Variants in DIAPH2 observed in about 807,000 individuals in gnomAD.
DIAPH2 encodes the protein diaphanous related formin 2.
A neutral mutation model predicts 92.7 loss-of-function variants in DIAPH2; 35 were observed. The ratio of observed to expected loss-of-function variants is 0.38; its 90% CI spans 0.29 to 0.50. The LOEUF is 0.50. Ranked by LOEUF, DIAPH2 falls within the 20% of genes least tolerant of loss-of-function variation. The probability of loss-of-function intolerance (pLI) is 0.94; values close to 1 mark genes in which losing one functional copy is unlikely to be tolerated. For synonymous variants in DIAPH2, 301 were observed against 280.4 expected (o/e 1.07, Z -0.73); for missense variants, 701 against 819.5 (o/e 0.86, Z 1.77).
chrX:96,782,541 C>G (rs1366530281), intron 4 of DIAPH2, among the ~76,000 whole-genome samples: 1 of 111,273 alleles, frequency 9.0e-6, no homozygotes, highest in Non-Finnish European at 1.9e-5. Flanking sequence ...CCTCGTGATC[C>G]GCCCGCCTCG....
chrX:97,258,535 T>C (rs1333816241), intron 23 of DIAPH2, among the ~76,000 whole-genome samples: 5 of 107,500 alleles, frequency 4.7e-5, no homozygotes, highest in Non-Finnish European at 9.6e-5. Context: ...ATCATGCCAC[T>C]GCACTCTAGC....
chrX:96,744,516 A>G (rs750240607), intron 3 of DIAPH2, among the ~76,000 whole-genome samples: 2 of 112,278 alleles, frequency 1.8e-5, no homozygotes, highest in Admixed American at 9.4e-5. Flanking sequence ...TTGCACACAT[A>G]GTGAGGAGAA....
At chrX:97,402,015 T>A (rs1371726821) in intron 25 of DIAPH2, among the ~76,000 whole-genome samples, 1 of 112,745 alleles carries the variant, frequency 8.9e-6, no homozygotes, top group East Asian at 2.8e-4. Flanking sequence ...AGTGACAGTA[T>A]CAGTCAGAAT....
chrX:96,972,218 A>AG (rs1478666226), intron 17 of DIAPH2, among the ~76,000 whole-genome samples: 1 of 111,773 alleles, frequency 8.9e-6, no homozygotes, highest in Non-Finnish European at 1.9e-5. Context: ...GCAAGAACAT[A>AG]GGAGAGCTCA....
intron 22 of DIAPH2, among the ~76,000 whole-genome samples, chrX:97,185,135 A>G (rs914759369): frequency 1.0e-5 from 1 of 96,414 alleles, no homozygotes; most frequent in African/African-American, 3.8e-5. Flanking sequence ...TTAAAAAAAC[A>G]AAAAAAAAGA....
In DIAPH2 at chrX:97,603,460, A is replaced by G. The variant is rs1211180433; in HGVS notation, c.*4143A>G. On this transcript the variant is annotated 3_prime_UTR_variant, in exon 27 of 27. Transcript: ENST00000324765. ...TTTTTTGTAGAGACTTGATCTTGCT[A>G]TGTTGTCCAGGCTGCTCTCGAACTC... 1 of 110,524 alleles carries G rather than the reference A, an allele frequency of 9.0e-6. No homozygotes were observed. The highest frequency in any genetic ancestry group is 1.9e-5 in the Non-Finnish European group (1 of 52,892). The allele number at this position is 110,524 out of a possible 1,213,427, so 9.1% of individuals were successfully genotyped here. A position where few individuals can be genotyped will look rare whatever the true frequency, so the allele number is the denominator to read the frequency against.
intron 23 of DIAPH2, among the ~76,000 whole-genome samples, chrX:97,327,174 C>A (rs1412127972): frequency 9.1e-6 from 1 of 109,346 alleles, no homozygotes; most frequent in Non-Finnish European, 1.9e-5. Flanking sequence ...TCTCTGCTCA[C>A]TGCAACCTCC....
At chrX:96,926,796 C>T (rs1035637989) in intron 9 of DIAPH2, among the ~76,000 whole-genome samples, 6 of 111,195 alleles carry the variant, frequency 5.4e-5, no homozygotes, top group South Asian at 3.8e-4. Context: ...AATATAGAAA[C>T]CAATTGTATT....
chrX:96,728,491 G>A (rs1271421659), intron 1 of DIAPH2, among the ~76,000 whole-genome samples: 1 of 111,866 alleles, frequency 8.9e-6, no homozygotes, highest in Non-Finnish European at 1.9e-5. Context: ...TAGTACAGGT[G>A]TGAGCCACCA....
chrX:97,417,367 G>A (rs2069957769), intron 25 of DIAPH2, among the ~76,000 whole-genome samples: 1 of 105,649 alleles, frequency 9.5e-6, no homozygotes, highest in African/African-American at 3.6e-5. Flanking sequence ...AAATAGGGTG[G>A]TCACACATAC....
intron 4 of DIAPH2, among the ~76,000 whole-genome samples, chrX:96,779,616 T>TTCAGA (rs1296000449): frequency 1.8e-5 from 2 of 112,610 alleles, no homozygotes; most frequent in Non-Finnish European, 3.8e-5. Context: ...CAGATTGCTA[T>TTCAGA]TTGAATTAGA....
chrX:97,301,189 G>A (rs2147627124), intron 23 of DIAPH2, among the ~76,000 whole-genome samples: 1 of 106,617 alleles, frequency 9.4e-6, no homozygotes, highest in African/African-American at 3.4e-5. Flanking sequence ...TAAGTAATTG[G>A]ATGAGTTGTT....
At chrX:96,993,734 C>T (rs2066087221) in intron 17 of DIAPH2, among the ~76,000 whole-genome samples, 1 of 111,511 alleles carries the variant, frequency 9.0e-6, no homozygotes, top group Non-Finnish European at 1.9e-5. Flanking sequence ...TGCTATACTA[C>T]AATGTGGTAA....
intron 26 of DIAPH2, among the ~76,000 whole-genome samples, chrX:97,589,027 A>ATATATATATATATATAT (rs748240865): frequency 2.2e-3 from 190 of 84,965 alleles, no homozygotes; most frequent in Middle Eastern, 5.8e-3. Flanking sequence ...ATATATATAT[A>ATATATATATATATATAT]AAAGAATCAG....
At chrX:96,962,340 T>TATATATATACACATATATATATACAC (rs1569436477) in intron 16 of DIAPH2, among the ~76,000 whole-genome samples, 1 of 39,563 alleles carries the variant, frequency 2.5e-5, no homozygotes, top group Non-Finnish European at 4.8e-5. Flanking sequence ...TATATATACA[T>TATATATATACACATATATATATACAC]ATATATATAT....
intron 21 of DIAPH2, among the ~76,000 whole-genome samples, chrX:97,115,931 A>T (rs1305792724): frequency 8.9e-6 from 1 of 111,844 alleles, no homozygotes; most frequent in East Asian, 2.8e-4. Flanking sequence ...AGAAGCCTGA[A>T]AACACTCTGA....
At chrX:96,732,421 G>A (rs900121170) in intron 1 of DIAPH2, among the ~76,000 whole-genome samples, 3 of 111,100 alleles carry the variant, frequency 2.7e-5, no homozygotes, top group Non-Finnish European at 5.7e-5. Context: ...TCTTTTTTCT[G>A]AACAGTTATA....
chrX:96,828,746 C>G (rs1005522037), intron 4 of DIAPH2, among the ~76,000 whole-genome samples: 13 of 111,574 alleles, frequency 1.2e-4, no homozygotes, highest in African/African-American at 4.2e-4. Context: ...CAATACCAGG[C>G]AAATCGATGT....
At chrX:96,966,707 A>G (rs1264678309) in intron 17 of DIAPH2, among the ~76,000 whole-genome samples, 1 of 111,686 alleles carries the variant, frequency 9.0e-6, no homozygotes, top group East Asian at 2.8e-4. Flanking sequence ...GATTAGTTCT[A>G]GTCTTTTGCT....
Sources: gnomAD v4.1 joint callset for allele counts (sites outside exome capture counted in the v4.1 genomes callset) on GRCh38, gnomAD v4.1.1 for gene constraint, MANE v1.5 for transcripts, NCBI Gene and HGNC (gene_info 2026-07-23, HGNC 2026-07-21) for gene names.